The following PRMT3 variants were observed in gnomAD, a reference collection of about 807,000 sequenced individuals.
PRMT3 encodes protein arginine methyltransferase 3, also known as protein arginine N-methyltransferase 3.
Under a neutral mutation model 71.9 loss-of-function variants are expected in PRMT3, and 62 were observed. The ratio of observed to expected loss-of-function variants is 0.86; its 90% CI spans 0.70 to 1.07. The LOEUF is 1.07. Ranked by LOEUF, PRMT3 falls within the 50% of genes least tolerant of loss-of-function variation. PRMT3 has a pLI of 0.00. For missense variants in PRMT3, 663 were observed against 643.0 expected (o/e 1.03, Z -0.34); for synonymous variants, 213 against 220.4 (o/e 0.97, Z 0.30).
At chr11:20,464,346 T>C in intron 12 of PRMT3, 114 bp from the exon 13 acceptor site, 1 of 1,382,038 alleles carries the variant, frequency 7.2e-7, no homozygotes, top group Non-Finnish European at 9.4e-7. Context: ...TTTCCAATAA[T>C]CATTTGTGCA....
chr11:20,391,731 T>G (rs1192567489), intron 3 of PRMT3, among the ~76,000 whole-genome samples: 1 of 152,236 alleles, frequency 6.6e-6, no homozygotes, highest in Non-Finnish European at 1.5e-5. Flanking sequence ...AAATGCTGCT[T>G]CATTTCTGGA....
intron 12 of PRMT3, among the ~76,000 whole-genome samples, chr11:20,462,920 C>CA (rs200907401): frequency 0.069 from 10,435 of 151,896 alleles, 507 homozygotes; most frequent in Admixed American, 0.15. Context: ...GGCTGGAGTG[C>CA]AGTGGCGCAA....
rs1249106283 is a variant in PRMT3 at position 20,400,190 on chromosome 11, CAT to C, written c.705+2472_705+2473del. Among the ~76,000 whole-genome samples the C allele has an allele frequency of 3.3e-5, 5 of 152,114 alleles. No individual in the cohort carries two copies. The East Asian group carries it at 9.6e-4, about 29-fold the overall frequency. The stretch of plus-strand genomic sequence containing the variant: ...TATAAATCATTTAAAATTGAGAAAT[CAT>C]ATTTACAGGACATATTTTTATGCTT... On this transcript the variant is annotated intron_variant, in intron 7 of 15. Transcript: ENST00000331079.
intron 10 of PRMT3, among the ~76,000 whole-genome samples, chr11:20,431,163 A>T (rs896039137): frequency 6.6e-6 from 1 of 152,158 alleles, no homozygotes; most frequent in Admixed American, 6.5e-5. Context: ...TAAAATTGTA[A>T]GAGAACGTTC....
chr11:20,498,130 A>G (rs1260357155), intron 15 of PRMT3, among the ~76,000 whole-genome samples: 3 of 152,242 alleles, frequency 2.0e-5, no homozygotes, highest in Non-Finnish European at 2.9e-5. Flanking sequence ...AAATAAAGCA[A>G]GGAGAGAAGA....
chr11:20,467,794 T>C (rs1850547624), intron 13 of PRMT3, among the ~76,000 whole-genome samples: 1 of 152,240 alleles, frequency 6.6e-6, no homozygotes, highest in Non-Finnish European at 1.5e-5. Flanking sequence ...CCCAGCATGC[T>C]AACTCTAACG....
intron 10 of PRMT3, among the ~76,000 whole-genome samples, chr11:20,432,855 T>C (rs1849684213): frequency 6.6e-6 from 1 of 152,174 alleles, no homozygotes; most frequent in African/African-American, 2.4e-5. Context: ...TGTCTTCTTT[T>C]GAGAGATGTC....
At chr11:20,446,059 T>G (rs1431099586) in intron 10 of PRMT3, among the ~76,000 whole-genome samples, 1 of 152,134 alleles carries the variant, frequency 6.6e-6, no homozygotes, top group Non-Finnish European at 1.5e-5. Context: ...ACGTGTGTGC[T>G]CTTACACTTC....
At chr11:20,487,534 G>A (rs904663131) in intron 13 of PRMT3, among the ~76,000 whole-genome samples, 2 of 152,168 alleles carry the variant, frequency 1.3e-5, no homozygotes, top group African/African-American at 4.8e-5. Flanking sequence ...GTCGTTAGAG[G>A]CATAGGTGCA....
At chr11:20,449,786 A>G (rs1850108832) in intron 10 of PRMT3, among the ~76,000 whole-genome samples, 1 of 152,130 alleles carries the variant, frequency 6.6e-6, no homozygotes. Context: ...TATTACACAT[A>G]GTATTAATAA....
chr11:20,456,488 A>G (rs1850269964), intron 11 of PRMT3, among the ~76,000 whole-genome samples: 1 of 152,200 alleles, frequency 6.6e-6, no homozygotes, highest in African/African-American at 2.4e-5. Flanking sequence ...TGCTTGGCAT[A>G]TCTTGAAAAT....
chr11:20,423,951 G>A (rs562347726), intron 9 of PRMT3, among the ~76,000 whole-genome samples: 4 of 149,946 alleles, frequency 2.7e-5, no homozygotes, highest in East Asian at 2.0e-4. Context: ...TTGGGAGGCC[G>A]AGGCAGGTGG....
intron 10 of PRMT3, among the ~76,000 whole-genome samples, chr11:20,434,361 C>T (rs1249155626): frequency 2.0e-5 from 3 of 152,144 alleles, no homozygotes; most frequent in African/African-American, 7.2e-5. Flanking sequence ...TTTTGCTGTG[C>T]AGAAGCTCTT....
At chr11:20,441,789 T>TG (rs371958577) in intron 10 of PRMT3, among the ~76,000 whole-genome samples, 3,669 of 92,212 alleles carry the variant, frequency 0.04, 263 homozygotes, top group South Asian at 0.057. Context: ...TAGTTTCAGG[T>TG]TTTTTTTTTT....
chr11:20,493,358 TA>T (rs1410238455), intron 13 of PRMT3, among the ~76,000 whole-genome samples: 1 of 152,244 alleles, frequency 6.6e-6, no homozygotes, highest in Non-Finnish European at 1.5e-5. Context: ...TGGCTTTGTA[TA>T]AATAGGATGT....
At chr11:20,434,391 T>C (rs1437936635) in intron 10 of PRMT3, among the ~76,000 whole-genome samples, 1 of 152,236 alleles carries the variant, frequency 6.6e-6, no homozygotes, top group Admixed American at 6.5e-5. Flanking sequence ...TAAACCCTAT[T>C]TGTCAGTTTT....
At chr11:20,462,201 G>C (rs758040859) in intron 12 of PRMT3, 34 bp downstream of exon 12, 5 of 1,492,322 alleles carry the variant, frequency 3.4e-6, no homozygotes, top group Non-Finnish European at 4.5e-6. Flanking sequence ...TTTTATAATG[G>C]TATTGCTATT....
At chr11:20,388,902 T>G (rs1483178284) in intron 2 of PRMT3, among the ~76,000 whole-genome samples, 1 of 152,260 alleles carries the variant, frequency 6.6e-6, no homozygotes, top group Non-Finnish European at 1.5e-5. Context: ...GGTGTTACTT[T>G]AATACATTTT....
chr11:20,407,001 A>G (rs1481375786), intron 8 of PRMT3: 1 of 152,228 alleles, frequency 6.6e-6, no homozygotes, highest in Non-Finnish European at 1.5e-5. Context: ...CTTCATATAA[A>G]ATATTAAAAA....
Sources: allele counts gnomAD v4.1 joint callset (sites outside exome capture counted in the v4.1 genomes callset), GRCh38; gene constraint gnomAD v4.1.1; transcripts MANE v1.5; gene names NCBI Gene and HGNC (gene_info 2026-07-23, HGNC 2026-07-21).